NEXMIF: variants seen among roughly 807,000 people sequenced by gnomAD.
The protein encoded by NEXMIF is neurite extension and migration factor.
NEXMIF carries 8 observed loss-of-function variants against 62.1 expected under a neutral mutation model. That is an observed-to-expected ratio of 0.13 (90% CI 0.08 to 0.23). NEXMIF has a LOEUF of 0.23. Ranked by LOEUF, NEXMIF falls within the 10% of genes least tolerant of loss-of-function variation. NEXMIF has a pLI of 1.00. For synonymous variants in NEXMIF, 404 were observed against 416.6 expected (o/e 0.97, Z 0.37); for missense variants, 976 against 1,113.3 (o/e 0.88, Z 1.75).
intron 1 of NEXMIF, among the ~76,000 whole-genome samples, chrX:74,838,466 CAAT>C (rs2080464059): frequency 1.8e-5 from 2 of 112,298 alleles, no homozygotes; most frequent in African/African-American, 3.2e-5. Context: ...TTAAAGCATA[CAAT>C]AATATCTTTT....
intron 1 of NEXMIF, among the ~76,000 whole-genome samples, chrX:74,802,614 C>T (rs1027817684): frequency 4.5e-5 from 5 of 109,996 alleles, no homozygotes; most frequent in Non-Finnish European, 9.5e-5. Flanking sequence ...ACCCAGACTG[C>T]GAAGACTACA....
intron 1 of NEXMIF, among the ~76,000 whole-genome samples, chrX:74,919,412 C>A (rs1006845531): frequency 2.7e-5 from 3 of 111,177 alleles, no homozygotes; most frequent in African/African-American, 9.8e-5. Context: ...AATATAATCA[C>A]CTCCCCAAAT....
chrX:74,890,185 C>T (rs2080713004), intron 1 of NEXMIF, among the ~76,000 whole-genome samples: 1 of 111,021 alleles, frequency 9.0e-6, no homozygotes, highest in Non-Finnish European at 1.9e-5. Context: ...TGATCCTAGA[C>T]CTACATGTTT....
At chrX:74,871,316 G>A (rs1040748935) in intron 1 of NEXMIF, among the ~76,000 whole-genome samples, 11 of 111,245 alleles carry the variant, frequency 9.9e-5, no homozygotes, top group Admixed American at 9.6e-4. Context: ...AGGGGAGGGG[G>A]TGTACGAACA....
chrX:74,849,156 C>T (rs139179660), intron 1 of NEXMIF, among the ~76,000 whole-genome samples: 119 of 112,058 alleles, frequency 1.1e-3, no homozygotes, highest in African/African-American at 3.7e-3. Flanking sequence ...CTGGAAGCAT[C>T]CGGTACTTGC....
chrX:74,786,270 T>C (rs2080260006), intron 1 of NEXMIF, among the ~76,000 whole-genome samples: 2 of 112,046 alleles, frequency 1.8e-5, no homozygotes, highest in Admixed American at 9.5e-5. Context: ...TAGATTTATA[T>C]CACACAGAAA....
intron 1 of NEXMIF, among the ~76,000 whole-genome samples, chrX:74,888,157 GA>G (rs1252774505): frequency 1.8e-5 from 2 of 109,411 alleles, no homozygotes; most frequent in Non-Finnish European, 3.8e-5. Context: ...GGGCAGGGGG[GA>G]AGGATAGCAG....
At position 74,744,395 on chromosome X, in the gene NEXMIF, T is replaced by A. The variant is rs769244538; in HGVS notation, c.162A>T (p.Gln54His). The change falls in exon 3 of 4, where the codon CAA (glutamine) becomes CAT (histidine). Residue 54 changes from glutamine to histidine, a missense_variant. By Grantham distance (24) the Gln-to-His change is conservative. Transcript: ENST00000055682. ...AAPIQPTPVAQKETLMYPRGL... is the reference protein window; with the variant it reads ...AAPIQPTPVAHKETLMYPRGL... ...CTCTGGGATACATCAGGGTCTCTTT[T>A]TGTGCCACCGGTGTAGGCTGGATAG... The A allele has an allele frequency of 1.7e-6, 2 of 1,210,288 alleles. No homozygotes were observed. The highest frequency in any genetic ancestry group is 2.2e-5 in the Admixed American group (1 of 45,933).
chrX:74,860,499 T>C (rs1309089098), intron 1 of NEXMIF, among the ~76,000 whole-genome samples: 2 of 112,131 alleles, frequency 1.8e-5, no homozygotes, highest in African/African-American at 6.5e-5. Flanking sequence ...AGAGACCATA[T>C]GTTAGGTCAC....
intron 1 of NEXMIF, among the ~76,000 whole-genome samples, chrX:74,765,786 G>A (rs2080192886): frequency 9.4e-6 from 1 of 106,914 alleles, no homozygotes; most frequent in South Asian, 4.3e-4. Flanking sequence ...AGCACTTTGG[G>A]AGGCTGAGGC....
At chrX:74,751,694 CTTCCTTCCTTCCTTCCT>C (rs1224954591) in intron 1 of NEXMIF, among the ~76,000 whole-genome samples, 35 of 86,427 alleles carry the variant, frequency 4.0e-4, no homozygotes, top group Admixed American at 2.3e-3. Context: ...TCCCTCTTTT[CTTCCTTCCTTCCTTCCT>C]TTCCTTCCTT....
intron 1 of NEXMIF, among the ~76,000 whole-genome samples, chrX:74,758,279 G>A (rs1278948952): frequency 2.7e-5 from 3 of 111,121 alleles, no homozygotes; most frequent in Non-Finnish European, 5.7e-5. Flanking sequence ...GGATTAAGCA[G>A]GGGAAACATG....
chrX:74,747,173 C>T (rs1488822995), intron 1 of NEXMIF, among the ~76,000 whole-genome samples: 1 of 111,734 alleles, frequency 8.9e-6, no homozygotes, highest in Non-Finnish European at 1.9e-5. Flanking sequence ...CCTCTTTTGC[C>T]CCTCCACTAA....
At chrX:74,875,660 T>C (rs1331788737) in intron 1 of NEXMIF, among the ~76,000 whole-genome samples, 7 of 111,919 alleles carry the variant, frequency 6.3e-5, no homozygotes, top group Admixed American at 2.8e-4. Flanking sequence ...TGATTATTGC[T>C]ACAATTTCCG....
chrX:74,768,338 G>A (rs762675161), intron 1 of NEXMIF, among the ~76,000 whole-genome samples: 1 of 111,764 alleles, frequency 8.9e-6, no homozygotes, highest in East Asian at 2.8e-4. Context: ...GCATGTACCT[G>A]GATGTTTCAG....
At chrX:74,783,599 C>T (rs769922764) in intron 1 of NEXMIF, among the ~76,000 whole-genome samples, 14 of 111,523 alleles carry the variant, frequency 1.3e-4, no homozygotes, top group Admixed American at 3.8e-4. Context: ...ATGGCTCCAA[C>T]GTAAAGGGTA....
chrX:74,780,375 G>GTT (rs375080601), intron 1 of NEXMIF, among the ~76,000 whole-genome samples: 10 of 96,874 alleles, frequency 1.0e-4, no homozygotes, highest in Admixed American at 2.3e-4. Flanking sequence ...CCATCTTACT[G>GTT]TTTTTTTTTT....
intron 1 of NEXMIF, among the ~76,000 whole-genome samples, chrX:74,845,717 T>G (rs915664285): frequency 9.0e-6 from 1 of 111,244 alleles, no homozygotes; most frequent in Non-Finnish European, 1.9e-5. Flanking sequence ...TTTTGAACAC[T>G]GACAAAAGTT....
intron 1 of NEXMIF, among the ~76,000 whole-genome samples, chrX:74,770,365 G>C (rs1168489246): frequency 8.9e-6 from 1 of 111,885 alleles, no homozygotes; most frequent in Non-Finnish European, 1.9e-5. Flanking sequence ...TATTTAATCT[G>C]TGAACAATAC....
Sources: gnomAD v4.1 joint callset for allele counts (sites outside exome capture counted in the v4.1 genomes callset) on GRCh38, gnomAD v4.1.1 for gene constraint, MANE v1.5 for transcripts, NCBI Gene and HGNC (gene_info 2026-07-23, HGNC 2026-07-21) for gene names.